ADAMTS3: variants seen among roughly 807,000 people sequenced by gnomAD.
ADAMTS3 encodes the protein A disintegrin and metalloproteinase with thrombospondin motifs 3.
ADAMTS3 carries 73 observed loss-of-function variants against 129.0 expected under a neutral mutation model. That is an observed-to-expected ratio of 0.57 (90% CI 0.47 to 0.69). The LOEUF (loss-of-function observed/expected upper bound fraction) is 0.69. Among genes scored for constraint, ADAMTS3 ranks in the 30% least tolerant of loss-of-function variants. ADAMTS3 has a pLI of 0.00. For missense variants in ADAMTS3, 1,457 were observed against 1,514.5 expected (o/e 0.96, Z 0.63); for synonymous variants, 477 against 510.8 (o/e 0.93, Z 0.89).
Position 72,306,125 on chromosome 4 carries a change from T to G in ADAMTS3, c.2180-58A>C, listed in dbSNP as rs977716497. ...AAGAAGAAAACAAAAGCAACAACCA[T>G]GGTTAGTTGAGCACTACATTCTTAC... On this transcript the variant is annotated intron_variant, in intron 15 of 21. Coordinates refer to ENST00000286657, the MANE Select transcript of ADAMTS3 (RefSeq NM_014243.3). 3.8e-5 allele frequency: 52 copies of G among 1,356,912 alleles called. No individual in the cohort carries two copies. In the African/African-American group the frequency reaches 6.5e-4, roughly 17 times the overall value. 84.1% of individuals were successfully genotyped at this position (1,356,912 alleles called of 1,614,324 possible). A position where few individuals can be genotyped will look rare whatever the true frequency, so the allele number is the denominator to read the frequency against.
intron 4 of ADAMTS3, among the ~76,000 whole-genome samples, chr4:72,377,358 G>A (rs1399063090): frequency 6.6e-6 from 1 of 152,154 alleles, no homozygotes; most frequent in Non-Finnish European, 1.5e-5. Flanking sequence ...TTTAGTCCGT[G>A]TAAATGAATA....
At chr4:72,534,955 A>G (rs970157400) in intron 3 of ADAMTS3, among the ~76,000 whole-genome samples, 1 of 152,192 alleles carries the variant, frequency 6.6e-6, no homozygotes, top group East Asian at 1.9e-4. Flanking sequence ...AATATGCCAC[A>G]AAGTCTTCTC....
chr4:72,289,215 C>T (rs552466627), intron 20 of ADAMTS3, among the ~76,000 whole-genome samples: 1 of 152,216 alleles, frequency 6.6e-6, no homozygotes, highest in South Asian at 2.1e-4. Context: ...AAATTCCTGA[C>T]ACCTAGTAAG....
In ADAMTS3 at chr4:72,339,667, GATC is replaced by G. The variant is rs769647564; in HGVS notation, c.685_687del (p.Asp229del). 6.2e-7 allele frequency: 1 copy of G among 1,613,788 alleles called. No individual in the cohort carries two copies. Among genetic ancestry groups the G allele is most frequent in the Non-Finnish European group, 8.5e-7 (1 of 1,179,812 alleles). ...TGGATGTTGCCATAAACAGTACCTA[GATC>G]ATCAAGGCCTTCCAGGTCCGACTCT... On this transcript the variant is annotated inframe_deletion, in exon 5 of 22. Transcript: ENST00000286657.
chr4:72,426,069 T>G (rs1197866615), intron 3 of ADAMTS3, among the ~76,000 whole-genome samples: 3 of 152,224 alleles, frequency 2.0e-5, no homozygotes, highest in African/African-American at 7.2e-5. Context: ...TTGATTTGCA[T>G]TTCTCTGATG....
rs111375267 is a variant in ADAMTS3 at position 72,340,008 on chromosome 4, G to A, written c.662-315C>T. Among the ~76,000 whole-genome samples the A allele has an allele frequency of 7.6e-3, 1,159 of 152,170 alleles. 19 individuals carry two copies. The highest frequency in any genetic ancestry group is 0.026 in the African/African-American group (1,060 of 41,528). On this transcript the variant is annotated intron_variant, in intron 4 of 21. Transcript: ENST00000286657. Reference sequence around the variant, plus strand: ...CTCCCAGCAAAGAGTCAAGGCAGTGGGGGTACAGAATACAGGCTGGCTATG... The same window carrying A: ...CTCCCAGCAAAGAGTCAAGGCAGTGAGGGTACAGAATACAGGCTGGCTATG...
chr4:72,392,041 A>C (rs985357800), intron 4 of ADAMTS3, among the ~76,000 whole-genome samples: 7 of 152,240 alleles, frequency 4.6e-5, no homozygotes, highest in African/African-American at 1.7e-4. Context: ...TATGCTGAGC[A>C]CATGAGTATA....
rs558199481 is a variant in ADAMTS3, at chr4:72,443,462, T to G, written c.505-28491A>C. On this transcript the variant is annotated intron_variant, in intron 3 of 21. Coordinates refer to ENST00000286657, the MANE Select transcript of ADAMTS3 (RefSeq NM_014243.3). ...ATGTCTTTATCTGCACCTAGACAAT[T>G]ACCTGATTGAGAGTCACCTCTGTAT... Among the ~76,000 whole-genome samples, 4 of 151,824 alleles carry G rather than the reference T, an allele frequency of 2.6e-5. 1 individual carries two copies. In the South Asian group the frequency reaches 6.2e-4, roughly 24 times the overall value.
chr4:72,303,842 G>C (rs1227810666), intron 17 of ADAMTS3, 75 bp downstream of exon 17: 1 of 1,473,328 alleles, frequency 6.8e-7, no homozygotes, highest in East Asian at 2.3e-5. Context: ...AATGTTCAAG[G>C]TAAAAGTGTT....
chr4:72,322,849 T>G (rs1480494227), intron 6 of ADAMTS3, among the ~76,000 whole-genome samples, 165 bp downstream of exon 6: 2 of 152,154 alleles, frequency 1.3e-5, no homozygotes, highest in African/African-American at 2.4e-5. Flanking sequence ...TGCTCAAATT[T>G]GGAAGTCTCC....
In ADAMTS3 at chr4:72,318,573, G is replaced by A. The variant is rs751131607; in HGVS notation, c.1484C>T (p.Ala495Val). ...DFGVGYKMCT[A>V]FRTFDPCKQL... ...CTACATCAACTGTGAGCAACATACC[G>A]CGGTGCACATTTTATAGCCAACACC... The change falls in exon 10 of 22, where the codon GCG (alanine) becomes GTG (valine). Residue 495 changes from alanine (A) to valine (V), a missense_variant and splice_region_variant. Physicochemically the swap from Ala to Val is moderately conservative, Grantham distance 64 (BLOSUM62 0). Coordinates refer to ENST00000286657, the MANE Select transcript of ADAMTS3 (RefSeq NM_014243.3). 1.9e-5 allele frequency: 31 copies of A among 1,613,226 alleles called. No individual in the cohort carries two copies. The highest frequency in any genetic ancestry group is 1.6e-4 in the South Asian group (15 of 90,958).
intron 7 of ADAMTS3, 74 bp downstream of exon 7, chr4:72,320,640 C>A: frequency 6.7e-7 from 1 of 1,485,538 alleles, no homozygotes; most frequent in Non-Finnish European, 9.2e-7. Context: ...AACATTTGAA[C>A]AGACTGCCTG....
intron 3 of ADAMTS3, among the ~76,000 whole-genome samples, chr4:72,482,012 T>TG (rs1719449954): frequency 6.6e-6 from 1 of 152,064 alleles, no homozygotes; most frequent in Non-Finnish European, 1.5e-5. Context: ...CAAATGCTGG[T>TG]AAGAATGTGA....
At chr4:72,297,711 C>T (rs1718844363) in intron 18 of ADAMTS3, among the ~76,000 whole-genome samples, 1 of 152,102 alleles carries the variant, frequency 6.6e-6, no homozygotes, top group African/African-American at 2.4e-5. Context: ...ATCCTATGGG[C>T]TCTGGGCAAT....
chr4:72,294,852 C>T (rs907118361), intron 19 of ADAMTS3, among the ~76,000 whole-genome samples: 3 of 151,878 alleles, frequency 2.0e-5, no homozygotes, highest in Non-Finnish European at 2.9e-5. Context: ...AACAGTAAAT[C>T]CCAGAGAAGA....
Position 72,526,745 on chromosome 4 carries a change from T to C in ADAMTS3, c.504+21733A>G, listed in dbSNP as rs928295583. Among the ~76,000 whole-genome samples the C allele has an allele frequency of 9.6e-4, 35 of 36,374 alleles. No individual in the cohort carries two copies. The Middle Eastern group carries it at 0.037, about 38-fold the overall frequency. 23.9% of individuals were successfully genotyped at this position (36,374 alleles called of 152,430 possible). On this transcript the variant is annotated intron_variant, in intron 3 of 21. Transcript: ENST00000286657. ...AAATATATACATACATATATATATA[T>C]ATATATATATATATATATATATATA...
In ADAMTS3 at chr4:72,530,827, AT is replaced by A. The variant is rs1166750679; in HGVS notation, c.504+17650del. On this transcript the variant is annotated intron_variant, in intron 3 of 21. Coordinates refer to ENST00000286657, the MANE Select transcript of ADAMTS3 (RefSeq NM_014243.3). ...ATATTATATATTATATATTATATAG[AT>A]TATATATAATATATAATATATAATA... Among the ~76,000 whole-genome samples the A allele has an allele frequency of 7.8e-5, 9 of 115,922 alleles. No individual in the cohort carries two copies. The East Asian group carries it at 2.0e-3, about 25-fold the overall frequency. The allele number at this position is 115,922 out of a possible 152,430, so 76.0% of individuals were successfully genotyped here.
At chr4:72,502,502 T>A (rs1403434473) in intron 3 of ADAMTS3, among the ~76,000 whole-genome samples, 1 of 152,156 alleles carries the variant, frequency 6.6e-6, no homozygotes, top group Non-Finnish European at 1.5e-5. Flanking sequence ...ACTTTCTTGT[T>A]TTCACAGTTA....
intron 15 of ADAMTS3, among the ~76,000 whole-genome samples, chr4:72,306,484 T>C (rs1394682169): frequency 6.6e-6 from 1 of 152,034 alleles, no homozygotes; most frequent in African/African-American, 2.4e-5. Flanking sequence ...GTTATCTGCT[T>C]ACATGTTATT....
Sources: allele counts gnomAD v4.1 joint callset (sites outside exome capture counted in the v4.1 genomes callset), GRCh38; gene constraint gnomAD v4.1.1; transcripts MANE v1.5; gene names NCBI Gene and HGNC (gene_info 2026-07-23, HGNC 2026-07-21).